Variants in PAX2 observed in about 807,000 individuals in gnomAD.
The protein encoded by PAX2 is paired box 2.
Under a neutral mutation model 41.7 loss-of-function variants are expected in PAX2, and 9 were observed. The ratio of observed to expected loss-of-function variants is 0.22; its 90% confidence interval spans 0.13 to 0.38. The LOEUF is 0.38. PAX2 is among the 10% of genes least tolerant of loss of function. The pLI is 1.00. For missense variants in PAX2, 418 were observed against 531.6 expected (o/e 0.79, Z 2.10); for synonymous variants, 221 against 212.7 (o/e 1.04, Z -0.34).
At chr10:100,818,509 G>A (rs1469172474) in intron 7 of PAX2, among the ~76,000 whole-genome samples, 1 of 152,168 alleles carries the variant, frequency 6.6e-6, no homozygotes, top group Admixed American at 6.5e-5. Context: ...TATAAACAGT[G>A]CTTATTAATC....
chr10:100,778,651 A>G (rs543446107), intron 3 of PAX2, among the ~76,000 whole-genome samples: 2 of 152,152 alleles, frequency 1.3e-5, no homozygotes, highest in East Asian at 3.9e-4. Flanking sequence ...TGGCCCTGGG[A>G]CTGGTCTTTG....
At chr10:100,796,995 A>T (rs1847362221) in intron 5 of PAX2, among the ~76,000 whole-genome samples, 1 of 152,246 alleles carries the variant, frequency 6.6e-6, no homozygotes, top group South Asian at 2.1e-4. Flanking sequence ...CCAGCTGTAG[A>T]ACATGAGTGA....
Position 100,777,276 on chromosome 10 carries a change from T to G in PAX2, c.411-2222T>G, listed in dbSNP as rs529472400. 2.0e-5 allele frequency among the ~76,000 whole-genome samples: 3 copies of G among 151,214 alleles called. No individual in the cohort carries two copies. In the East Asian group the frequency reaches 5.8e-4, roughly 29 times the overall value. The stretch of plus-strand genomic sequence containing the variant: ...ACCACCACACCTGGCTAATTTTGTA[T>G]TTTTAGTAGAGTTGGGGTTTCACCA... On this transcript the variant is annotated intron_variant, in intron 3 of 9. Transcript: ENST00000355243.
intron 7 of PAX2, 89 bp downstream of exon 7, chr10:100,809,325 TC>T: frequency 1.6e-6 from 2 of 1,241,124 alleles, no homozygotes; most frequent in Admixed American, 1.7e-5. Context: ...GAGGAGCAGG[TC>T]CCCCACCGTG....
Position 100,826,878 on chromosome 10 carries a change from G to C in PAX2, c.1022-131G>C. 1.4e-6 allele frequency: 1 copy of C among 701,574 alleles called. No individual in the cohort carries two copies. Among genetic ancestry groups the C allele is most frequent in the Non-Finnish European group, 2.6e-6 (1 of 389,604 alleles). The allele number at this position is 701,574 out of a possible 1,614,324, so 43.5% of individuals were successfully genotyped here. A position where few individuals can be genotyped will look rare whatever the true frequency, so the allele number is the denominator to read the frequency against. ...ACCTCCGCCCGGCCCGCCCGCCACG[G>C]CCATTACCCTGCCCGCGACACCTGC... On this transcript the variant is annotated intron_variant, in intron 8 of 9. Transcript: ENST00000355243. The surrounding 1 kb of genome is among the most constrained non-coding windows in gnomAD (Gnocchi z 5.5).
chr10:100,738,902 G>C (rs1361762099), intron 1 of PAX2, among the ~76,000 whole-genome samples: 2 of 152,000 alleles, frequency 1.3e-5, no homozygotes, highest in African/African-American at 4.8e-5. Flanking sequence ...GGATGGCTCT[G>C]GACCTTGGAG....
intron 1 of PAX2, chr10:100,747,640 A>T (rs974115918): frequency 1.0e-6 from 1 of 984,276 alleles, no homozygotes; most frequent in African/African-American, 1.8e-5. Flanking sequence ...GTTTTTCGCT[A>T]ATCATATATT....
rs971635170 is a variant in PAX2, at chr10:100,745,689, G to A, written c.-572G>A. 1.1e-5 allele frequency: 11 copies of A among 963,476 alleles called. No individual in the cohort carries two copies. Among genetic ancestry groups the A allele is most frequent in the African/African-American group, 7.0e-5 (4 of 57,214 alleles). 59.7% of individuals were successfully genotyped at this position (963,476 alleles called of 1,614,324 possible). On this transcript the variant is annotated 5_prime_UTR_variant, in exon 1 of 10. In the 5' UTR this introduces an upstream ATG that the reference lacks. Transcript: ENST00000355243. Reference sequence around the variant, plus strand: ...CTCCCGGCCCTTCGGCCGCGGCGGCGTGCGCCTGCCTTTTCCGGGGGCGGG... The same window carrying A: ...CTCCCGGCCCTTCGGCCGCGGCGGCATGCGCCTGCCTTTTCCGGGGGCGGG...
At chr10:100,749,721 G>C (rs373478824) in intron 1 of PAX2, 25 bp from the exon 2 acceptor site, 7 of 1,604,064 alleles carry the variant, frequency 4.4e-6, no homozygotes, top group Non-Finnish European at 6.0e-6. Context: ...GTGGGGTGTT[G>C]TGTTTTTTTC....
intron 7 of PAX2, among the ~76,000 whole-genome samples, chr10:100,818,158 G>C (rs1465708914): frequency 6.6e-6 from 1 of 152,164 alleles, no homozygotes; most frequent in Non-Finnish European, 1.5e-5. Context: ...TGGCCTTAGG[G>C]TCCTCCGCAG....
At chr10:100,756,182 C>G (rs547153176) in intron 3 of PAX2, among the ~76,000 whole-genome samples, 57 of 152,214 alleles carry the variant, frequency 3.7e-4, no homozygotes, top group Admixed American at 5.9e-4. Flanking sequence ...ACTCCATACC[C>G]CCTAAAACCC....
rs781489326 is a variant in PAX2 at position 100,781,260 on chromosome 10, T to C, written c.511T>C (p.Ser171Pro). 1.2e-6 allele frequency: 2 copies of C among 1,613,818 alleles called. No homozygotes were observed. The highest frequency in any genetic ancestry group is 2.7e-5 in the African/African-American group (2 of 74,894). ...PGHTIVPSTASPPVSSASNDP... is the reference protein window; with the variant it reads ...PGHTIVPSTAPPPVSSASNDP... The stretch of plus-strand genomic sequence containing the variant: ...CTCTCATCCAGTTCCCAGCACGGCC[T>C]CCCCTCCTGTTTCCAGCGCCTCCAA... Residue 171 changes from serine (S) to proline (P), a missense_variant, in exon 5 of 10, where the codon TCC becomes CCC. Physicochemically the swap from Ser to Pro is moderately conservative, Grantham distance 74 (BLOSUM62 -1). Transcript: ENST00000355243.
At chr10:100,804,993 CT>C (rs1847710773) in intron 5 of PAX2, among the ~76,000 whole-genome samples, 3 of 146,792 alleles carry the variant, frequency 2.0e-5, no homozygotes, top group South Asian at 4.4e-4. Flanking sequence ...CTCTCTCTCT[CT>C]CTCCTTCTCT....
chr10:100,740,166 T>C (rs1844902914), intron 1 of PAX2, among the ~76,000 whole-genome samples: 1 of 152,208 alleles, frequency 6.6e-6, no homozygotes, highest in Non-Finnish European at 1.5e-5. Context: ...GGGATTTCCT[T>C]CCCTAGGTCT....
At chr10:100,806,298 C>A in intron 5 of PAX2, 132 bp from the exon 6 acceptor site, 1 of 906,360 alleles carries the variant, frequency 1.1e-6, no homozygotes, top group South Asian at 1.4e-5. Context: ...GGCCCAGGGG[C>A]TGAGAGTAAG....
chr10:100,746,061 T>C lies in PAX2; in HGVS notation c.-200T>C. ...AGTGGCAAGTTGCGGCTACTGCAGTTGCAAGCTCCGGCCAACCCGGAGGAG... is the reference window on the plus strand; with the variant it reads ...AGTGGCAAGTTGCGGCTACTGCAGTCGCAAGCTCCGGCCAACCCGGAGGAG... On this transcript the variant is annotated 5_prime_UTR_variant, in exon 1 of 10. Coordinates refer to ENST00000355243, the MANE Select transcript of PAX2 (RefSeq NM_000278.5). 1 of 1,473,878 alleles carries C rather than the reference T, an allele frequency of 6.8e-7. No homozygotes were observed. Among genetic ancestry groups the C allele is most frequent in the Non-Finnish European group, 8.9e-7 (1 of 1,121,494 alleles). The allele number at this position is 1,473,878 out of a possible 1,614,324, so 91.3% of individuals were successfully genotyped here.
At position 100,750,686 on chromosome 10, in the gene PAX2, C is replaced by G. The variant is rs369615430; in HGVS notation, c.213-8C>G. The G allele has an allele frequency of 8.1e-6, 13 of 1,613,638 alleles. No homozygotes were observed. In the South Asian group the frequency reaches 9.9e-5, roughly 12 times the overall value. On this transcript the variant is annotated splice_region_variant and splice_polypyrimidine_tract_variant and intron_variant, in intron 2 of 9. Coordinates refer to ENST00000355243, the MANE Select transcript of PAX2 (RefSeq NM_000278.5). The surrounding 1 kb of genome is among the most constrained non-coding windows in gnomAD (Gnocchi z 4.1). ...TTCTGGCTGACCCCGCCGGCTTTCC[C>G]GGCGCAGGTACTACGAGACCGGCAG...
In PAX2 at chr10:100,745,862, C is replaced by CAGGTCCCATCTTGGAGGCCTCCCTGGCT; in HGVS notation, c.-399_-398insAGGTCCCATCTTGGAGGCCTCCCTGGCT. On this transcript the variant is annotated 5_prime_UTR_variant, in exon 1 of 10. Coordinates refer to ENST00000355243, the MANE Select transcript of PAX2 (RefSeq NM_000278.5). ...TCTGACCGCCCCCGCCCCGCGCGCT[C>CAGGTCCCATCTTGGAGGCCTCCCTGGCT]TCCGACCACCGCCTCTCGGATGACC... is the stretch of plus-strand genomic sequence containing the variant. 9.1e-7 allele frequency: 1 copy of CAGGTCCCATCTTGGAGGCCTCCCTGGCT among 1,101,600 alleles called. No homozygotes were observed. The highest frequency in any genetic ancestry group is 5.3e-5 in the Admixed American group (1 of 18,982). 68.2% of individuals were successfully genotyped at this position (1,101,600 alleles called of 1,614,324 possible). A position where few individuals can be genotyped will look rare whatever the true frequency, so the allele number is the denominator to read the frequency against.
intron 5 of PAX2, among the ~76,000 whole-genome samples, chr10:100,789,971 G>A (rs1356156987): frequency 6.6e-6 from 1 of 152,126 alleles, no homozygotes; most frequent in East Asian, 1.9e-4. Context: ...TTTTTTGTGG[G>A]GAAGTACAGG....
Sources: gnomAD v4.1 joint callset for allele counts (sites outside exome capture counted in the v4.1 genomes callset) on GRCh38, gnomAD v4.1.1 for gene constraint, Gnocchi (gnomAD v3.1) non-coding constraint, MANE v1.5 for transcripts, NCBI Gene and HGNC (gene_info 2026-07-23, HGNC 2026-07-21) for gene names.